KIF4A: variants seen among roughly 807,000 people sequenced by gnomAD.
KIF4A encodes chromosome-associated kinesin KIF4A.
In KIF4A, 7 loss-of-function variants were observed where a neutral mutation model predicts 105.9. The observed-to-expected ratio is 0.07, with a 90% CI of 0.04 to 0.12. KIF4A has a LOEUF of 0.12. Ranked by LOEUF, KIF4A falls within the 10% of genes least tolerant of loss-of-function variation. KIF4A has a pLI of 1.00. For missense variants in KIF4A, 558 were observed against 929.2 expected, an observed-to-expected ratio of 0.60 and a Z score of 5.19; for synonymous variants, 281 against 331.3, an observed-to-expected ratio of 0.85 and a Z score of 1.65.
intron 25 of KIF4A, 121 bp from the exon 26 acceptor site, chrX:70,405,707 T>C (rs2086297507): frequency 1.9e-6 from 1 of 522,514 alleles, no homozygotes; most frequent in African/African-American, 2.3e-5. Context: ...GTGCCTGCTG[T>C]GCAAAAACCA....
chrX:70,304,715 G>A (rs1313460977), intron 7 of KIF4A, among the ~76,000 whole-genome samples: 2 of 93,324 alleles, frequency 2.1e-5, no homozygotes, highest in Non-Finnish European at 4.1e-5. Context: ...CTGGAGTGCA[G>A]TGGCATGATC....
Position 70,417,920 on chromosome X carries a change from G to A in KIF4A, c.3288G>A (p.Gln1096=). The stretch of plus-strand genomic sequence containing the variant: ...GCAAGGGCTGGTGTGGAAACAAGCA[G>A]TGTGGGTGCAGGAAGCAAAAGTCAG... ...CSCKGWCGNK[Q]CGCRKQKSDC... The change falls in exon 29 of 31, where the codon CAG becomes CAA. Residue 1096 remains glutamine, a synonymous_variant. Transcript: ENST00000374403. 8.3e-7 allele frequency: 1 copy of A among 1,211,382 alleles called. No individual in the cohort carries two copies. Among genetic ancestry groups the A allele is most frequent in the Non-Finnish European group, 1.1e-6 (1 of 895,178 alleles).
intron 10 of KIF4A, among the ~76,000 whole-genome samples, chrX:70,339,185 T>C (rs1403590707): frequency 8.9e-6 from 1 of 112,049 alleles, no homozygotes; most frequent in Non-Finnish European, 1.9e-5. Context: ...TGGTATTTAT[T>C]CTTATGTATG....
intron 7 of KIF4A, among the ~76,000 whole-genome samples, chrX:70,316,824 A>G (rs2085871390): frequency 8.9e-6 from 1 of 111,995 alleles, no homozygotes; most frequent in Non-Finnish European, 1.9e-5. Context: ...TCTTTCACTC[A>G]ATGTAAGATC....
chrX:70,398,453 T>C (rs1469207490), intron 22 of KIF4A, among the ~76,000 whole-genome samples: 1 of 112,168 alleles, frequency 8.9e-6, no homozygotes, highest in African/African-American at 3.2e-5. Flanking sequence ...GAGGTGAGTT[T>C]AGTTAGGAGA....
intron 13 of KIF4A, among the ~76,000 whole-genome samples, chrX:70,349,614 T>G (rs1365203910): frequency 1.1e-3 from 43 of 40,039 alleles, no homozygotes; most frequent in Non-Finnish European, 1.3e-3. Context: ...CCAGACGGGG[T>G]GGTGGCCGGG....
rs773600197 is a variant in KIF4A, at chrX:70,302,190, T to C, written c.684-114T>C. 45 of 1,074,576 alleles carry C rather than the reference T, an allele frequency of 4.2e-5. No homozygotes were observed. The Middle Eastern group carries it at 1.1e-3, about 25-fold the overall frequency. 88.6% of individuals were successfully genotyped at this position (1,074,576 alleles called of 1,213,427 possible). A position where few individuals can be genotyped will look rare whatever the true frequency, so the allele number is the denominator to read the frequency against. On this transcript the variant is annotated intron_variant, in intron 6 of 30. Transcript: ENST00000374403. ...CAGTATTGTGAGCACGAGTGACTAA[T>C]GGAGCCATTTTGACTGACTTGAAAG... is the stretch of plus-strand genomic sequence containing the variant.
At position 70,395,652 on chromosome X, in the gene KIF4A, T is replaced by A. The variant is rs746242289; in HGVS notation, c.2233-19T>A. On this transcript the variant is annotated intron_variant, in intron 20 of 30. Transcript: ENST00000374403. Reference sequence around the variant, plus strand: ...TGATTCCTCATCCCTAACACAGACATCACTGATTTCTCTTCCAGAATTGGC... The same window carrying A: ...TGATTCCTCATCCCTAACACAGACAACACTGATTTCTCTTCCAGAATTGGC... The A allele has an allele frequency of 8.3e-7, 1 of 1,209,033 alleles. No homozygotes were observed. The highest frequency in any genetic ancestry group is 1.8e-5 in the African/African-American group (1 of 57,121).
rs2086138002 is a variant in KIF4A, at chrX:70,371,917, A to C, written c.1675-2234A>C. 4.0e-5 allele frequency among the ~76,000 whole-genome samples: 4 copies of C among 100,036 alleles called. No homozygotes were observed. In the South Asian group the frequency reaches 2.0e-3, roughly 49 times the overall value. The allele number at this position is 100,036 out of a possible 115,157, so 86.9% of individuals were successfully genotyped here. ...CGGTTGCCAGGCGGAGGGTCTCCTCACTTCTCAGACGGGGTGGCCGGGCAG... is the reference window on the plus strand; with the variant it reads ...CGGTTGCCAGGCGGAGGGTCTCCTCCCTTCTCAGACGGGGTGGCCGGGCAG... On this transcript the variant is annotated intron_variant, in intron 15 of 30. Coordinates refer to ENST00000374403, the MANE Select transcript of KIF4A (RefSeq NM_012310.5).
In KIF4A at chrX:70,381,275, C is replaced by T. The variant is rs575017603; in HGVS notation, c.2034+5065C>T. Reference sequence around the variant, plus strand: ...TCCCACGGCTGGGTGTGGTGGCTCACGCCTGTAATCCCAGCACTTTGGGAG... The same window carrying T: ...TCCCACGGCTGGGTGTGGTGGCTCATGCCTGTAATCCCAGCACTTTGGGAG... On this transcript the variant is annotated intron_variant, in intron 18 of 30. Coordinates refer to ENST00000374403, the MANE Select transcript of KIF4A (RefSeq NM_012310.5). 1.6e-3 allele frequency among the ~76,000 whole-genome samples: 180 copies of T among 111,193 alleles called. 2 individuals are homozygous for T. The South Asian group carries it at 0.057, about 35-fold the overall frequency.
At chrX:70,413,008 C>CGTATCAGTA (rs2086328459) in intron 28 of KIF4A, among the ~76,000 whole-genome samples, 1 of 111,746 alleles carries the variant, frequency 8.9e-6, no homozygotes, top group Non-Finnish European at 1.9e-5. Flanking sequence ...CTTGAAAATA[C>CGTATCAGTA]GTATCAGTAG....
At chrX:70,290,174 G>T in intron 1 of KIF4A, 24 bp downstream of exon 1, 1 of 271,574 alleles carries the variant, frequency 3.7e-6, no homozygotes, top group Non-Finnish European at 6.5e-6. Flanking sequence ...GCACACCTTA[G>T]CTCAGAACCT....
At chrX:70,402,919 C>G (rs1468204646) in intron 23 of KIF4A, among the ~76,000 whole-genome samples, 1 of 112,027 alleles carries the variant, frequency 8.9e-6, no homozygotes, top group Non-Finnish European at 1.9e-5. Flanking sequence ...TGTGACTGGC[C>G]TATAGCAAGT....
intron 18 of KIF4A, among the ~76,000 whole-genome samples, chrX:70,384,468 A>G (rs931346153): frequency 9.0e-6 from 1 of 110,798 alleles, no homozygotes; most frequent in African/African-American, 3.3e-5. Context: ...CTTTGCAATT[A>G]AGAGTTGTCT....
At position 70,343,972 on chromosome X, in the gene KIF4A, C is replaced by T. The variant is rs1029290787; in HGVS notation, c.1421C>T (p.Thr474Ile). The change falls in exon 13 of 31, where the codon ACC (threonine) becomes ATC (isoleucine). Residue 474 changes from threonine to isoleucine, a missense_variant. By Grantham distance (89) the Thr-to-Ile change is moderately conservative. Transcript: ENST00000374403. ...EIICNLQQLI[T>I]QLSDETVACM... is the part of the protein sequence containing the mutation. ...ATTTGTAACCTGCAGCAATTGATTA[C>T]CCAGTTATCGGTAAGCCAAGTAGGG... 1 of 1,198,170 alleles carries T rather than the reference C, an allele frequency of 8.3e-7. No homozygotes were observed. Among genetic ancestry groups the T allele is most frequent in the Non-Finnish European group, 1.1e-6 (1 of 883,796 alleles).
intron 7 of KIF4A, among the ~76,000 whole-genome samples, chrX:70,306,073 T>G (rs2085825656): frequency 8.9e-6 from 1 of 112,150 alleles, no homozygotes; most frequent in Non-Finnish European, 1.9e-5. Flanking sequence ...TTGAGTTAAT[T>G]TTTGCATATG....
At chrX:70,331,770 G>T (rs192980245) in intron 9 of KIF4A, among the ~76,000 whole-genome samples, 1 of 112,112 alleles carries the variant, frequency 8.9e-6, no homozygotes, top group East Asian at 2.8e-4. Context: ...ATATTAAAAA[G>T]GATTTTAAGC....
At position 70,345,197 on chromosome X, in the gene KIF4A, C is replaced by A. The variant is rs1294583996; in HGVS notation, c.1431+1215C>A. Among the ~76,000 whole-genome samples, 4 of 112,390 alleles carry A rather than the reference C, an allele frequency of 3.6e-5. No individual in the cohort carries two copies. In the East Asian group the frequency reaches 1.1e-3, roughly 31 times the overall value. On this transcript the variant is annotated intron_variant, in intron 13 of 30. Coordinates refer to ENST00000374403, the MANE Select transcript of KIF4A (RefSeq NM_012310.5). The stretch of plus-strand genomic sequence containing the variant: ...AGCATTATTCATCTGGGCGCAGTAG[C>A]TCTTGCCTGTAATCCCAGCACTTTG...
intron 7 of KIF4A, among the ~76,000 whole-genome samples, chrX:70,319,552 A>C (rs780544923): frequency 8.9e-6 from 1 of 111,972 alleles, no homozygotes; most frequent in Non-Finnish European, 1.9e-5. Flanking sequence ...TCTGTTTCTG[A>C]GTATTCTATT....
Sources: allele counts gnomAD v4.1 joint callset (sites outside exome capture counted in the v4.1 genomes callset), GRCh38; gene constraint gnomAD v4.1.1; transcripts MANE v1.5; gene names NCBI Gene and HGNC (gene_info 2026-07-23, HGNC 2026-07-21).